Variants in RNGTT observed in about 807,000 individuals in gnomAD.
RNGTT encodes RNA guanylyltransferase and 5'-phosphatase.
RNGTT carries 33 observed loss-of-function variants against 79.3 expected under a neutral mutation model. That is an observed-to-expected ratio of 0.42 (90% CI 0.32 to 0.56). The LOEUF is 0.56. Among genes scored for constraint, RNGTT ranks in the 20% least tolerant of loss-of-function variants. The probability of loss-of-function intolerance (pLI) is 0.17; values close to 1 mark genes in which losing one functional copy is unlikely to be tolerated. For synonymous variants in RNGTT, 222 were observed against 235.9 expected (o/e 0.94, Z 0.54); for missense variants, 497 against 739.1 (o/e 0.67, Z 3.80).
At chr6:88,923,354 G>A (rs1185710805) in intron 4 of RNGTT, among the ~76,000 whole-genome samples, 1 of 152,040 alleles carries the variant, frequency 6.6e-6, no homozygotes, top group East Asian at 1.9e-4. Context: ...AAATAAGTTC[G>A]TAGTCTTGAT....
chr6:88,773,883 G>A (rs913193773), intron 12 of RNGTT, among the ~76,000 whole-genome samples: 9 of 152,134 alleles, frequency 5.9e-5, no homozygotes, highest in East Asian at 5.8e-4. Flanking sequence ...ATAAGGCTCT[G>A]CGATCTTAGA....
intron 14 of RNGTT, among the ~76,000 whole-genome samples, chr6:88,655,952 T>C (rs2127779855): frequency 6.6e-6 from 1 of 152,310 alleles, no homozygotes; most frequent in East Asian, 1.9e-4. Context: ...AGCATTAAGA[T>C]TTTTACTAGA....
chr6:88,921,032 C>G (rs1784148590), intron 4 of RNGTT, among the ~76,000 whole-genome samples: 1 of 152,136 alleles, frequency 6.6e-6, no homozygotes, highest in Non-Finnish European at 1.5e-5. Context: ...AGAAACTAGT[C>G]TCAGAACTGA....
At chr6:88,958,126 G>A (rs1785496029) in intron 1 of RNGTT, among the ~76,000 whole-genome samples, 1 of 152,176 alleles carries the variant, frequency 6.6e-6, no homozygotes. Flanking sequence ...ATAAAGTGGG[G>A]AAAGGACACC....
chr6:88,716,294 A>C (rs1469797674), intron 13 of RNGTT, among the ~76,000 whole-genome samples: 2 of 151,472 alleles, frequency 1.3e-5, no homozygotes, highest in Admixed American at 6.6e-5. Flanking sequence ...TTAGAATGGC[A>C]ATCATTAAAA....
intron 13 of RNGTT, among the ~76,000 whole-genome samples, chr6:88,713,885 A>C (rs1333038028): frequency 6.6e-6 from 1 of 152,218 alleles, no homozygotes; most frequent in Non-Finnish European, 1.5e-5. Context: ...TAATTGGATA[A>C]TCTTTTCTTC....
chr6:88,685,005 A>G (rs1201970618), intron 13 of RNGTT, among the ~76,000 whole-genome samples: 5 of 152,212 alleles, frequency 3.3e-5, no homozygotes, highest in Non-Finnish European at 7.3e-5. Context: ...CACGGAAGAA[A>G]TCTAAATGAA....
chr6:88,840,449 T>C (rs1562279799), intron 11 of RNGTT, among the ~76,000 whole-genome samples: 1 of 152,224 alleles, frequency 6.6e-6, no homozygotes, highest in Non-Finnish European at 1.5e-5. Context: ...CAGGCTGAAG[T>C]ACAGTGGCAC....
rs1773610847 is a variant in RNGTT at position 88,647,486 on chromosome 6, G to A, written c.1506+30867C>T. Among the ~76,000 whole-genome samples the A allele has an allele frequency of 2.6e-5, 4 of 151,910 alleles. No individual in the cohort carries two copies. The South Asian group carries it at 8.3e-4, about 31-fold the overall frequency. On this transcript the variant is annotated intron_variant, in intron 14 of 15. Transcript: ENST00000369485. ...GCCTGTAATGCCAGCACTTTGGGAGGCCAAGACAGGTGACACTTGAAGCCA... is the reference window on the plus strand; with the variant it reads ...GCCTGTAATGCCAGCACTTTGGGAGACCAAGACAGGTGACACTTGAAGCCA...
chr6:88,887,133 A>G (rs1782890997), intron 8 of RNGTT, among the ~76,000 whole-genome samples: 1 of 151,770 alleles, frequency 6.6e-6, no homozygotes, highest in Non-Finnish European at 1.5e-5. Context: ...CAAAATTCTT[A>G]CACAATACCT....
intron 12 of RNGTT, among the ~76,000 whole-genome samples, chr6:88,780,137 G>GA (rs893124475): frequency 1.3e-5 from 2 of 152,116 alleles, no homozygotes; most frequent in South Asian, 2.1e-4. Context: ...TTCTACTTCA[G>GA]AAAAAATCAC....
intron 14 of RNGTT, among the ~76,000 whole-genome samples, chr6:88,623,882 T>A (rs958550917): frequency 6.6e-6 from 1 of 151,998 alleles, no homozygotes; most frequent in African/African-American, 2.4e-5. Context: ...TCCAAAGATG[T>A]TAAATACATA....
chr6:88,876,399 C>T (rs948246187), intron 8 of RNGTT, among the ~76,000 whole-genome samples: 2 of 151,976 alleles, frequency 1.3e-5, no homozygotes, highest in African/African-American at 2.4e-5. Flanking sequence ...TTGGGTGTGG[C>T]GGCACGCGCC....
intron 13 of RNGTT, among the ~76,000 whole-genome samples, chr6:88,724,082 TC>T (rs1776802686): frequency 6.6e-6 from 1 of 152,158 alleles, no homozygotes; most frequent in Admixed American, 6.5e-5. Context: ...TAAAAAAAAA[TC>T]CTAAAAGTTT....
At chr6:88,654,605 C>T (rs1773909984) in intron 14 of RNGTT, among the ~76,000 whole-genome samples, 1 of 141,808 alleles carries the variant, frequency 7.1e-6, no homozygotes. Context: ...TCCCTCTTCC[C>T]AGTAACTATG....
intron 2 of RNGTT, among the ~76,000 whole-genome samples, chr6:88,934,300 T>C (rs919016241): frequency 2.4e-4 from 36 of 152,116 alleles, no homozygotes; most frequent in African/African-American, 8.7e-4. Flanking sequence ...CTTCCCAAAG[T>C]GCTAGGATTA....
intron 7 of RNGTT, among the ~76,000 whole-genome samples, chr6:88,890,978 G>A (rs1330404614): frequency 6.6e-6 from 1 of 152,104 alleles, no homozygotes; most frequent in East Asian, 1.9e-4. Flanking sequence ...ACGTGAGACT[G>A]CCAACTTGAC....
chr6:88,913,724 A>G (rs1174181805), intron 4 of RNGTT, among the ~76,000 whole-genome samples: 1 of 152,148 alleles, frequency 6.6e-6, no homozygotes, highest in Non-Finnish European at 1.5e-5. Flanking sequence ...AATAAGAACC[A>G]TCTATGCTAA....
intron 8 of RNGTT, among the ~76,000 whole-genome samples, chr6:88,889,764 G>A (rs1782981771): frequency 6.6e-6 from 1 of 152,080 alleles, no homozygotes; most frequent in Non-Finnish European, 1.5e-5. Context: ...ATCTTGACCA[G>A]CCTGGGCAAC....
Sources: allele counts gnomAD v4.1 joint callset (sites outside exome capture counted in the v4.1 genomes callset), GRCh38; gene constraint gnomAD v4.1.1; transcripts MANE v1.5; gene names NCBI Gene and HGNC (gene_info 2026-07-23, HGNC 2026-07-21).